The following ZHX2 variants were observed in gnomAD, a reference collection of about 807,000 sequenced individuals.
ZHX2 encodes zinc fingers and homeoboxes 2.
In ZHX2, 6 loss-of-function variants were observed where a neutral mutation model predicts 21.9. That is an observed-to-expected ratio of 0.27 (90% CI 0.15 to 0.54). The LOEUF is 0.54. Ranked by LOEUF, ZHX2 falls within the 20% of genes least tolerant of loss-of-function variation. ZHX2 has a pLI of 0.95. For synonymous variants in ZHX2, 434 were observed against 437.1 expected, an observed-to-expected ratio of 0.99 and a Z score of 0.09; for missense variants, 908 against 1,090.7, an observed-to-expected ratio of 0.83 and a Z score of 2.36.
intron 1 of ZHX2, among the ~76,000 whole-genome samples, chr8:122,849,798 G>A (rs879529264): frequency 6.6e-6 from 1 of 152,142 alleles, no homozygotes; most frequent in Admixed American, 6.5e-5. Flanking sequence ...GGGGAGCCAC[G>A]ATCAACCCAT....
At chr8:122,915,827 G>A (rs980166720) in intron 2 of ZHX2, among the ~76,000 whole-genome samples, 5 of 152,324 alleles carry the variant, frequency 3.3e-5, no homozygotes, top group Middle Eastern at 6.8e-3. Flanking sequence ...CTTCCCCACC[G>A]CACAGTGGTC....
chr8:122,969,850 T>C (rs1813676027), intron 3 of ZHX2, among the ~76,000 whole-genome samples: 1 of 152,084 alleles, frequency 6.6e-6, no homozygotes, highest in Non-Finnish European at 1.5e-5. Context: ...CCTGGGAAAA[T>C]TAAAGAGAGA....
At chr8:122,955,529 A>T (rs1813277460) in intron 3 of ZHX2, among the ~76,000 whole-genome samples, 1 of 152,128 alleles carries the variant, frequency 6.6e-6, no homozygotes, top group Admixed American at 6.5e-5. Flanking sequence ...AAATAAATGA[A>T]ATTCTCTAGA....
intron 2 of ZHX2, among the ~76,000 whole-genome samples, chr8:122,921,227 AC>A (rs1820730647): frequency 1.3e-5 from 2 of 152,076 alleles, no homozygotes; most frequent in African/African-American, 4.8e-5. Flanking sequence ...GATTACAGGC[AC>A]CCACAACCAC....
chr8:122,905,896 C>T (rs1424690373), intron 2 of ZHX2, among the ~76,000 whole-genome samples: 2 of 152,224 alleles, frequency 1.3e-5, no homozygotes, highest in Non-Finnish European at 2.9e-5. Flanking sequence ...TGAGCTAGAA[C>T]AGAAATGCTA....
intron 2 of ZHX2, among the ~76,000 whole-genome samples, chr8:122,917,061 C>T (rs552375912): frequency 1.3e-5 from 2 of 152,296 alleles, no homozygotes; most frequent in African/African-American, 4.8e-5. Flanking sequence ...GTGACGTCCT[C>T]CCTGTCATCC....
intron 1 of ZHX2, among the ~76,000 whole-genome samples, chr8:122,818,649 C>T (rs752499843): frequency 6.6e-6 from 1 of 152,214 alleles, no homozygotes; most frequent in Non-Finnish European, 1.5e-5. Context: ...GGCACAAAAC[C>T]TTGCTTTAAA....
At chr8:122,882,656 A>G (rs1351721927) in intron 2 of ZHX2, among the ~76,000 whole-genome samples, 2 of 152,012 alleles carry the variant, frequency 1.3e-5, no homozygotes, top group Admixed American at 6.6e-5. Flanking sequence ...CAATCTTTCC[A>G]TCACACCCCA....
At chr8:122,879,909 G>T (rs3114986) in intron 2 of ZHX2, among the ~76,000 whole-genome samples, 1 of 151,270 alleles carries the variant, frequency 6.6e-6, no homozygotes, top group Admixed American at 6.6e-5. Context: ...CTGTGGTTCA[G>T]AATGTACCTA....
intron 2 of ZHX2, among the ~76,000 whole-genome samples, chr8:122,914,282 T>C (rs1820547554): frequency 6.6e-6 from 1 of 152,150 alleles, no homozygotes; most frequent in South Asian, 2.1e-4. Context: ...GATGGCCATG[T>C]GTACTAAGCC....
chr8:122,973,059 C>T (rs1442583281), intron 3 of ZHX2, among the ~76,000 whole-genome samples, 183 bp from the exon 4 acceptor site: 1 of 152,130 alleles, frequency 6.6e-6, no homozygotes, highest in Non-Finnish European at 1.5e-5. Context: ...AAAACACACT[C>T]GTTTCTTTAC....
intron 1 of ZHX2, among the ~76,000 whole-genome samples, chr8:122,839,320 A>G (rs1388153095): frequency 1.3e-5 from 2 of 152,080 alleles, no homozygotes; most frequent in African/African-American, 2.4e-5. Context: ...CTCACCCATG[A>G]GTTCATCTAA....
intron 1 of ZHX2, among the ~76,000 whole-genome samples, chr8:122,820,264 C>T (rs1276870457): frequency 6.6e-6 from 1 of 152,300 alleles, no homozygotes; most frequent in Admixed American, 6.5e-5. Context: ...GGCCTCCTCG[C>T]AGGCCAGGGA....
At chr8:122,867,562 G>A (rs891768870) in intron 2 of ZHX2, among the ~76,000 whole-genome samples, 2 of 152,150 alleles carry the variant, frequency 1.3e-5, no homozygotes, top group African/African-American at 4.8e-5. Context: ...AAATTGCCAG[G>A]GAATTTGAAT....
chr8:122,950,059 T>A (rs2130263987), intron 2 of ZHX2, among the ~76,000 whole-genome samples: 1 of 152,272 alleles, frequency 6.6e-6, no homozygotes, highest in Admixed American at 6.5e-5. Context: ...TCAAGCCCTC[T>A]CATACACTAC....
chr8:122,857,386 C>A (rs569285163), intron 1 of ZHX2, among the ~76,000 whole-genome samples: 43 of 152,266 alleles, frequency 2.8e-4, no homozygotes, highest in African/African-American at 8.9e-4. Flanking sequence ...TAGATGCTGC[C>A]CTTCCCAATG....
At chr8:122,926,965 A>T (rs548345239) in intron 2 of ZHX2, among the ~76,000 whole-genome samples, 1 of 152,178 alleles carries the variant, frequency 6.6e-6, no homozygotes, top group Non-Finnish European at 1.5e-5. Context: ...CCTTAACTTC[A>T]TCACATCTGC....
At chr8:122,785,490 G>A (rs1817376692) in intron 1 of ZHX2, among the ~76,000 whole-genome samples, 1 of 152,214 alleles carries the variant, frequency 6.6e-6, no homozygotes, top group Non-Finnish European at 1.5e-5. Flanking sequence ...AAGGATGAAT[G>A]AGTCTCAAAG....
At chr8:122,945,666 C>G (rs1187325422) in intron 2 of ZHX2, among the ~76,000 whole-genome samples, 1 of 152,114 alleles carries the variant, frequency 6.6e-6, no homozygotes, top group East Asian at 1.9e-4. Flanking sequence ...TTAGTTATCC[C>G]ACGAGGAGCA....
Sources: gnomAD v4.1 joint callset for allele counts (sites outside exome capture counted in the v4.1 genomes callset) on GRCh38, gnomAD v4.1.1 for gene constraint, MANE v1.5 for transcripts, NCBI Gene and HGNC (gene_info 2026-07-23, HGNC 2026-07-21) for gene names.